The following FRMD6 variants were observed in gnomAD, a reference collection of about 807,000 sequenced individuals.
FRMD6 encodes FERM domain containing 6, also known as FERM domain-containing protein 6.
A neutral mutation model predicts 73.2 loss-of-function variants in FRMD6; 37 were observed. The observed-to-expected ratio is 0.51, with a 90% CI of 0.39 to 0.66. The LOEUF (loss-of-function observed/expected upper bound fraction) is 0.66, where lower values mean the gene tolerates loss of function less well. Ranked by LOEUF, FRMD6 falls within the 30% of genes least tolerant of loss-of-function variation. The pLI is 0.00. For synonymous variants in FRMD6, 273 were observed against 282.2 expected (o/e 0.97, Z 0.33); for missense variants, 714 against 780.5 (o/e 0.91, Z 1.02).
intron 2 of FRMD6, among the ~76,000 whole-genome samples, chr14:51,638,109 C>T (rs1244602605): frequency 6.6e-6 from 1 of 152,116 alleles, no homozygotes; most frequent in South Asian, 2.1e-4. Context: ...CACAGTGAAC[C>T]CTTGTGTCTA....
In FRMD6 at chr14:51,728,065, G is replaced by C. The variant is rs781455318; in HGVS notation, c.*36G>C. On this transcript the variant is annotated 3_prime_UTR_variant, in exon 14 of 14. Transcript: ENST00000344768. The stretch of plus-strand genomic sequence containing the variant: ...TGTGCAGCTGTACAGGCAGCTTACT[G>C]TTTGCTAGAGGATGCGAAAGTCATA... 18 of 1,569,706 alleles carry C rather than the reference G, an allele frequency of 1.1e-5. No homozygotes were observed. Among genetic ancestry groups the C allele is most frequent in the South Asian group, 4.7e-5 (4 of 85,994 alleles).
At chr14:51,589,889 G>A (rs1889282210) in intron 2 of FRMD6, among the ~76,000 whole-genome samples, 1 of 152,006 alleles carries the variant, frequency 6.6e-6, no homozygotes, top group African/African-American at 2.4e-5. Flanking sequence ...GCCAACATGG[G>A]GAAACCCCGT....
chr14:51,571,331 G>A (rs975499838), intron 2 of FRMD6, among the ~76,000 whole-genome samples: 3 of 152,170 alleles, frequency 2.0e-5, no homozygotes, highest in African/African-American at 7.2e-5. Flanking sequence ...GTGTGCCTCT[G>A]AAGCCATTGG....
the FRMD6 span, among the ~76,000 whole-genome samples, chr14:51,457,262 T>C: frequency 6.6e-6 from 1 of 152,130 alleles, no homozygotes; most frequent in Non-Finnish European, 1.5e-5. Flanking sequence ...TGTACAATTA[T>C]TGTGTCAGTT....
In FRMD6 at chr14:51,534,414, T is replaced by C. The variant is rs2140344039; in HGVS notation, c.-209-35934T>C. Among the ~76,000 whole-genome samples, 2 of 152,346 alleles carry C rather than the reference T, an allele frequency of 1.3e-5. 1 individual carries two copies. The highest frequency in any genetic ancestry group is 4.1e-4 in the South Asian group (2 of 4,830). On this transcript the variant is annotated intron_variant, in intron 1 of 14. Transcript: ENST00000356218. ...TGTTTCTTATGATGGTTGATTTTTT[T>C]ATTGGACAAGGGCTTAGAGCCTAGC...
chr14:51,603,033 AT>A (rs1366196490), intron 2 of FRMD6, among the ~76,000 whole-genome samples: 1 of 152,168 alleles, frequency 6.6e-6, no homozygotes, highest in Non-Finnish European at 1.5e-5. Flanking sequence ...TTAGGAAGTG[AT>A]TAAGTCAAGA....
At chr14:51,466,477 G>A in the FRMD6 span, among the ~76,000 whole-genome samples, 42 of 152,264 alleles carry the variant, frequency 2.8e-4, no homozygotes, top group Admixed American at 6.5e-4. Context: ...ATATGAATAC[G>A]TAGTTGATCC....
chr14:51,654,286 T>A (rs1377470231), intron 1 of FRMD6, among the ~76,000 whole-genome samples: 1 of 123,932 alleles, frequency 8.1e-6, no homozygotes, highest in African/African-American at 3.0e-5. Context: ...AAATTGTTAC[T>A]GAACTAGGTT....
chr14:51,529,802 A>T (rs1010760311), intron 1 of FRMD6, among the ~76,000 whole-genome samples: 1 of 152,224 alleles, frequency 6.6e-6, no homozygotes, highest in Non-Finnish European at 1.5e-5. Context: ...GTTAAAGTGA[A>T]CATTTCCTGT....
the FRMD6 span, among the ~76,000 whole-genome samples, chr14:51,400,722 A>C: frequency 1.3e-5 from 2 of 152,212 alleles, no homozygotes; most frequent in African/African-American, 4.8e-5. Context: ...ACTGGGAATA[A>C]ACATGTGTGG....
Position 51,687,849 on chromosome 14 carries a change from C to T in FRMD6, c.-146-1842C>T, listed in dbSNP as rs186152009. Among the ~76,000 whole-genome samples, 18 of 151,994 alleles carry T rather than the reference C, an allele frequency of 1.2e-4. No homozygotes were observed. The South Asian group carries it at 3.7e-3, about 32-fold the overall frequency. The stretch of plus-strand genomic sequence containing the variant: ...TGATATTCACCTATATTACTTTTTC[C>T]CAATTCTCTATCTTTAAGATATTTT... On this transcript the variant is annotated intron_variant, in intron 1 of 13. Transcript: ENST00000344768.
chr14:51,629,170 C>T lies in FRMD6; in HGVS notation c.-147+58760C>T, dbSNP rs184841601. On this transcript the variant is annotated intron_variant, in intron 2 of 14. Coordinates refer to the FRMD6 transcript ENST00000356218. ...CTGGGATTACAGGCGTGAGCCACCG[C>T]GCCCAGCCACATCTCCCTTTTTCAC... 4.7e-3 allele frequency among the ~76,000 whole-genome samples: 721 copies of T among 152,300 alleles called. 5 individuals carry two copies. Among genetic ancestry groups the T allele is most frequent in the Non-Finnish European group, 8.5e-3 (575 of 68,028 alleles).
At chr14:51,434,474 G>C in the FRMD6 span, among the ~76,000 whole-genome samples, 1 of 151,836 alleles carries the variant, frequency 6.6e-6, no homozygotes, top group Non-Finnish European at 1.5e-5. Context: ...AACTTGAAGG[G>C]GTTCCTTTTG....
At chr14:51,676,076 C>G (rs1894368117) in intron 1 of FRMD6, among the ~76,000 whole-genome samples, 1 of 151,892 alleles carries the variant, frequency 6.6e-6, no homozygotes, top group Non-Finnish European at 1.5e-5. Flanking sequence ...CTAGATTAAG[C>G]TAAATTGTTT....
At chr14:51,684,630 G>A (rs1236340766) in intron 1 of FRMD6, among the ~76,000 whole-genome samples, 3 of 152,112 alleles carry the variant, frequency 2.0e-5, no homozygotes, top group Admixed American at 6.6e-5. Context: ...GAGGGCATTT[G>A]GGATTGTTAC....
the FRMD6 span, chr14:51,436,634 G>A: frequency 1.8e-6 from 1 of 542,612 alleles, no homozygotes; most frequent in Non-Finnish European, 3.4e-6. Context: ...CGGAACTAGA[G>A]AGTTTTTTAC....
chr14:51,590,907 G>C (rs1369066592), intron 2 of FRMD6, among the ~76,000 whole-genome samples: 1 of 152,216 alleles, frequency 6.6e-6, no homozygotes, highest in Non-Finnish European at 1.5e-5. Context: ...TGTGTAGCCT[G>C]ATTTATATAT....
chr14:51,448,907 A>G, the FRMD6 span, among the ~76,000 whole-genome samples: 2 of 152,334 alleles, frequency 1.3e-5, no homozygotes, highest in Admixed American at 1.3e-4. Context: ...CCACCAAGGA[A>G]AAGGAGTTTG....
chr14:51,663,484 G>A (rs776444824), intron 1 of FRMD6, among the ~76,000 whole-genome samples: 2 of 152,202 alleles, frequency 1.3e-5, no homozygotes, highest in African/African-American at 4.8e-5. Flanking sequence ...GGAGCTGGAG[G>A]CCATTAATCC....
Sources: gnomAD v4.1 joint callset for allele counts (sites outside exome capture counted in the v4.1 genomes callset) on GRCh38, gnomAD v4.1.1 for gene constraint, MANE v1.5 for transcripts, NCBI Gene and HGNC (gene_info 2026-07-23, HGNC 2026-07-21) for gene names.